The following EXOC6B variants were observed in gnomAD, a reference collection of about 807,000 sequenced individuals.
EXOC6B encodes the protein exocyst complex component 6B.
A neutral mutation model predicts 113.5 loss-of-function variants in EXOC6B; 54 were observed. The ratio of observed to expected loss-of-function variants is 0.48; its 90% confidence interval spans 0.38 to 0.60. The LOEUF (loss-of-function observed/expected upper bound fraction) is 0.60, where lower values mean the gene tolerates loss of function less well. EXOC6B is among the 20% of genes least tolerant of loss of function. The probability of loss-of-function intolerance (pLI) is 0.00; values close to 1 mark genes in which losing one functional copy is unlikely to be tolerated. For missense variants in EXOC6B, 797 were observed against 977.5 expected (o/e 0.82, Z 2.46); for synonymous variants, 357 against 339.0 (o/e 1.05, Z -0.58).
At chr2:72,208,273 T>G (rs1679958320) in intron 20 of EXOC6B, among the ~76,000 whole-genome samples, 1 of 151,946 alleles carries the variant, frequency 6.6e-6, no homozygotes, top group South Asian at 2.1e-4. Context: ...GTGTCTGTTG[T>G]TCCCATCTTT....
At chr2:72,367,858 AG>A (rs2105011538) in intron 19 of EXOC6B, among the ~76,000 whole-genome samples, 1 of 152,298 alleles carries the variant, frequency 6.6e-6, no homozygotes, top group South Asian at 2.1e-4. Context: ...GACCAGCCCT[AG>A]CCAAAGGAGA....
intron 18 of EXOC6B, among the ~76,000 whole-genome samples, chr2:72,435,683 G>T (rs189371279): frequency 6.0e-5 from 9 of 149,386 alleles, no homozygotes; most frequent in Admixed American, 6.0e-4. Flanking sequence ...TTTAAATTCT[G>T]TTTTATCGGA....
intron 6 of EXOC6B, among the ~76,000 whole-genome samples, chr2:72,671,265 TGA>T (rs1197860092): frequency 6.6e-6 from 1 of 152,204 alleles, no homozygotes; most frequent in Admixed American, 6.5e-5. Flanking sequence ...CCTATCTATC[TGA>T]CAAGGGACTA....
At chr2:72,325,989 C>T (rs1359980695) in intron 20 of EXOC6B, among the ~76,000 whole-genome samples, 1 of 152,026 alleles carries the variant, frequency 6.6e-6, no homozygotes, top group Non-Finnish European at 1.5e-5. Flanking sequence ...TGAACTATGT[C>T]CTAGTTGCCT....
At chr2:72,413,392 T>A (rs1694309580) in intron 18 of EXOC6B, among the ~76,000 whole-genome samples, 2 of 151,368 alleles carry the variant, frequency 1.3e-5, no homozygotes, top group South Asian at 2.1e-4. Flanking sequence ...CTTTTTTTTT[T>A]AAGAGATGGG....
At chr2:72,720,441 A>T (rs1236373161) in intron 5 of EXOC6B, among the ~76,000 whole-genome samples, 1 of 152,116 alleles carries the variant, frequency 6.6e-6, no homozygotes, top group Admixed American at 6.6e-5. Context: ...GAAAGAAGAT[A>T]TGCCATAAAA....
intron 1 of EXOC6B, among the ~76,000 whole-genome samples, chr2:72,784,720 C>T (rs1684270228): frequency 6.6e-6 from 1 of 152,208 alleles, no homozygotes; most frequent in South Asian, 2.1e-4. Context: ...GTTCCTCCCA[C>T]AACACGTGGG....
chr2:72,383,498 A>G lies in EXOC6B; in HGVS notation c.1981-3628T>C, dbSNP rs1691815883. ...TATTATTAAAAAAAAAATTAAAAAA[A>G]CAGACACTGGCAAGGTTGCAGAGAA... is the stretch of plus-strand genomic sequence containing the variant. On this transcript the variant is annotated intron_variant, in intron 18 of 21. Transcript: ENST00000272427. Among the ~76,000 whole-genome samples, 5 of 152,094 alleles carry G rather than the reference A, an allele frequency of 3.3e-5. No individual in the cohort carries two copies. In the South Asian group the frequency reaches 1.0e-3, roughly 32 times the overall value.
chr2:72,635,871 C>A (rs1672781305), intron 6 of EXOC6B, among the ~76,000 whole-genome samples: 1 of 152,082 alleles, frequency 6.6e-6, no homozygotes, highest in South Asian at 2.1e-4. Flanking sequence ...AGGGTTTATT[C>A]CAGGAATGGA....
At chr2:72,526,703 T>C (rs1458617660) in intron 8 of EXOC6B, among the ~76,000 whole-genome samples, 1 of 151,720 alleles carries the variant, frequency 6.6e-6, no homozygotes, top group Non-Finnish European at 1.5e-5. Context: ...GTTCAGAAAA[T>C]GAGACAGAAT....
At chr2:72,531,127 T>C (rs935200286) in intron 8 of EXOC6B, among the ~76,000 whole-genome samples, 1 of 152,154 alleles carries the variant, frequency 6.6e-6, no homozygotes, top group African/African-American at 2.4e-5. Flanking sequence ...GTTCATTCTC[T>C]TTGCTTTTAG....
chr2:72,749,923 ATAAATG>A (rs1330277862), intron 1 of EXOC6B, among the ~76,000 whole-genome samples: 1 of 151,886 alleles, frequency 6.6e-6, no homozygotes, highest in Non-Finnish European at 1.5e-5. Flanking sequence ...TCAAACCCTA[ATAAATG>A]TAAGTAACCT....
At chr2:72,187,649 C>G (rs1678526131) in intron 20 of EXOC6B, among the ~76,000 whole-genome samples, 1 of 152,088 alleles carries the variant, frequency 6.6e-6, no homozygotes, top group South Asian at 2.1e-4. Flanking sequence ...CCTGTTGTCT[C>G]TCTGTCCTCT....
intron 20 of EXOC6B, among the ~76,000 whole-genome samples, chr2:72,249,794 C>A (rs1682893576): frequency 6.6e-6 from 1 of 152,146 alleles, no homozygotes. Flanking sequence ...TTATCTTCTT[C>A]TTTGGAATGG....
At chr2:72,460,625 C>T (rs981090782) in intron 18 of EXOC6B, among the ~76,000 whole-genome samples, 4 of 152,180 alleles carry the variant, frequency 2.6e-5, no homozygotes, top group Non-Finnish European at 2.9e-5. Flanking sequence ...CATCACTGGT[C>T]ATCAAAGAAA....
chr2:72,197,097 T>G (rs907086784), intron 20 of EXOC6B, among the ~76,000 whole-genome samples: 1 of 152,196 alleles, frequency 6.6e-6, no homozygotes, highest in Non-Finnish European at 1.5e-5. Context: ...GTAGCTGAGA[T>G]GTATTCAAAG....
chr2:72,768,882 G>A (rs1377354137), intron 1 of EXOC6B, among the ~76,000 whole-genome samples: 1 of 152,082 alleles, frequency 6.6e-6, no homozygotes, highest in Non-Finnish European at 1.5e-5. Flanking sequence ...GGAGGCTGAG[G>A]CAAGAATATT....
intron 5 of EXOC6B, chr2:72,722,027 A>C (rs1274016474): frequency 3.3e-5 from 5 of 151,552 alleles, no homozygotes; most frequent in Non-Finnish European, 7.4e-5. Flanking sequence ...AAAAGATCTT[A>C]CAAGTATAAT....
intron 1 of EXOC6B, among the ~76,000 whole-genome samples, chr2:72,811,839 A>AGGG: frequency 6.6e-6 from 1 of 152,204 alleles, no homozygotes; most frequent in East Asian, 1.9e-4. Context: ...AGCATTTAAC[A>AGGG]AAATTCACTC....
Sources: gnomAD v4.1 joint callset for allele counts (sites outside exome capture counted in the v4.1 genomes callset) on GRCh38, gnomAD v4.1.1 for gene constraint, MANE v1.5 for transcripts, NCBI Gene and HGNC (gene_info 2026-07-23, HGNC 2026-07-21) for gene names.